WWP2: variants seen among roughly 807,000 people sequenced by gnomAD.
WWP2 encodes the protein NEDD4-like E3 ubiquitin-protein ligase WWP2.
Under a neutral mutation model 121.0 loss-of-function variants are expected in WWP2, and 57 were observed. The ratio of observed to expected loss-of-function variants is 0.47; its 90% CI spans 0.38 to 0.59. The LOEUF is 0.59. Ranked by LOEUF, WWP2 falls within the 20% of genes least tolerant of loss-of-function variation. WWP2 has a pLI of 0.00. For missense variants in WWP2, 962 were observed against 1,158.9 expected, an observed-to-expected ratio of 0.83 and a Z score of 2.47; for synonymous variants, 449 against 441.3, an observed-to-expected ratio of 1.02 and a Z score of -0.22.
chr16:69,892,759 C>G (rs1162836715), intron 8 of WWP2, among the ~76,000 whole-genome samples: 1 of 152,210 alleles, frequency 6.6e-6, no homozygotes, highest in South Asian at 2.1e-4. Flanking sequence ...GTCTCAAACT[C>G]CTAGGCTCAA....
intron 4 of WWP2, among the ~76,000 whole-genome samples, chr16:69,815,563 G>A (rs1443204824): frequency 3.3e-5 from 5 of 151,798 alleles, no homozygotes; most frequent in Non-Finnish European, 7.4e-5. Context: ...TGAGGTGGGT[G>A]GATCACAAGG....
chr16:69,896,946 A>G (rs909961058), intron 8 of WWP2, among the ~76,000 whole-genome samples: 3 of 152,186 alleles, frequency 2.0e-5, no homozygotes, highest in African/African-American at 7.2e-5. Context: ...CCAAAAGTTG[A>G]TAATCTTCCA....
intron 7 of WWP2, among the ~76,000 whole-genome samples, chr16:69,883,825 G>T (rs1204207359): frequency 6.6e-6 from 1 of 152,102 alleles, no homozygotes; most frequent in African/African-American, 2.4e-5. Flanking sequence ...GTACAGCCCT[G>T]GAGGGAACCT....
chr16:69,793,374 A>G (rs1338668151), intron 2 of WWP2, among the ~76,000 whole-genome samples: 1 of 152,118 alleles, frequency 6.6e-6, no homozygotes, highest in Non-Finnish European at 1.5e-5. Context: ...TAATAAATAA[A>G]TAAATTCACT....
chr16:69,907,670 G>A (rs1475433451), intron 8 of WWP2, among the ~76,000 whole-genome samples: 2 of 152,172 alleles, frequency 1.3e-5, no homozygotes, highest in Non-Finnish European at 2.9e-5. Context: ...GTCCTTGGCT[G>A]TATTTTGTAC....
At chr16:69,897,610 G>T (rs76715892) in intron 8 of WWP2, among the ~76,000 whole-genome samples, 5,658 of 152,082 alleles carry the variant, frequency 0.037, 298 homozygotes, top group African/African-American at 0.12. Context: ...TTGACAGCTA[G>T]AAAGAATGGC....
intron 8 of WWP2, among the ~76,000 whole-genome samples, chr16:69,906,112 G>C (rs910214598): frequency 1.3e-5 from 2 of 148,460 alleles, no homozygotes; most frequent in Non-Finnish European, 3.0e-5. Context: ...TTGCTCTGTC[G>C]CCCAGACTGG....
intron 7 of WWP2, among the ~76,000 whole-genome samples, chr16:69,879,254 G>T (rs1417954836): frequency 6.6e-6 from 1 of 152,006 alleles, no homozygotes; most frequent in African/African-American, 2.4e-5. Flanking sequence ...CCATTTTTAG[G>T]TGTGTAATTC....
intron 9 of WWP2, among the ~76,000 whole-genome samples, chr16:69,912,226 T>C (rs138431051): frequency 6.6e-6 from 1 of 151,266 alleles, no homozygotes; most frequent in Non-Finnish European, 1.5e-5. Context: ...GCGGCGGAGG[T>C]TACAGTGAGC....
chr16:69,887,017 C>CA (rs1019889647), intron 7 of WWP2, among the ~76,000 whole-genome samples: 2 of 152,096 alleles, frequency 1.3e-5, no homozygotes, highest in African/African-American at 4.8e-5. Flanking sequence ...TTATCACTTC[C>CA]AAAAAACCAC....
intron 1 of WWP2, among the ~76,000 whole-genome samples, chr16:69,784,950 G>T (rs557289812): frequency 2.4e-4 from 37 of 151,200 alleles, no homozygotes; most frequent in African/African-American, 8.7e-4. Flanking sequence ...AGAAAAGAAA[G>T]AGTGGTCGAG....
intron 9 of WWP2, chr16:69,910,103 C>CT (rs2058357550): frequency 6.4e-6 from 1 of 156,548 alleles, no homozygotes; most frequent in African/African-American, 2.4e-5. Context: ...AAAAAATTTG[C>CT]TAACTCCCGA....
At chr16:69,861,768 G>A (rs1412367384) in intron 6 of WWP2, among the ~76,000 whole-genome samples, 1 of 151,336 alleles carries the variant, frequency 6.6e-6, no homozygotes, top group Non-Finnish European at 1.5e-5. Context: ...TTCCCATTAC[G>A]GCTTCCTTTT....
chr16:69,913,332 C>CA (rs1351828649), intron 9 of WWP2, among the ~76,000 whole-genome samples: 8 of 151,042 alleles, frequency 5.3e-5, no homozygotes, highest in Non-Finnish European at 8.9e-5. Flanking sequence ...CACGCCCAGC[C>CA]AAAAAAAAGT....
At position 69,846,049 on chromosome 16, in the gene WWP2, C is replaced by A. The variant is rs540589600; in HGVS notation, c.575+3929C>A. Among the ~76,000 whole-genome samples the A allele has an allele frequency of 3.7e-3, 170 of 45,586 alleles. 6 individuals carry two copies. The highest frequency in any genetic ancestry group is 0.014 in the African/African-American group (137 of 9,750). The allele number at this position is 45,586 out of a possible 152,430, so 29.9% of individuals were successfully genotyped here. A position where few individuals can be genotyped will look rare whatever the true frequency, so the allele number is the denominator to read the frequency against. The stretch of plus-strand genomic sequence containing the variant: ...TGGGTGACAGAGCCAGACTCCATCT[C>A]AAAAAAAAAAAAAAAAAAAAAGAAT... On this transcript the variant is annotated intron_variant, in intron 6 of 23. Transcript: ENST00000359154.
At chr16:69,895,953 C>A (rs1002095058) in intron 8 of WWP2, among the ~76,000 whole-genome samples, 1 of 152,130 alleles carries the variant, frequency 6.6e-6, no homozygotes, top group Non-Finnish European at 1.5e-5. Flanking sequence ...GGGATTGTTA[C>A]ATGCTTAGGT....
At chr16:69,934,200 G>C (rs1402623689) in intron 17 of WWP2, 71 bp downstream of exon 17, 5 of 1,561,642 alleles carry the variant, frequency 3.2e-6, no homozygotes, top group Non-Finnish European at 4.4e-6. Context: ...GGTGAAGTGT[G>C]CCAGGGGCAC....
intron 6 of WWP2, among the ~76,000 whole-genome samples, chr16:69,850,246 G>A (rs909100980): frequency 2.0e-5 from 3 of 152,050 alleles, no homozygotes; most frequent in Admixed American, 6.6e-5. Flanking sequence ...AATTAGCCGG[G>A]CGTGGTGGTG....
chr16:69,881,728 GT>G (rs1773703370), intron 7 of WWP2, among the ~76,000 whole-genome samples: 1 of 152,214 alleles, frequency 6.6e-6, no homozygotes, highest in South Asian at 2.1e-4. Context: ...GCCTCACTCT[GT>G]CACCCAGGCT....
Sources: allele counts gnomAD v4.1 joint callset (sites outside exome capture counted in the v4.1 genomes callset), GRCh38; gene constraint gnomAD v4.1.1; transcripts MANE v1.5; gene names NCBI Gene and HGNC (gene_info 2026-07-23, HGNC 2026-07-21).